The following DCUN1D3 variants were observed in gnomAD, a reference collection of about 807,000 sequenced individuals.
The protein encoded by DCUN1D3 is defective in cullin neddylation 1 domain containing 3.
Under a neutral mutation model 24.8 loss-of-function variants are expected in DCUN1D3, and 6 were observed. That is an observed-to-expected ratio of 0.24 (90% CI 0.13 to 0.48). The LOEUF (loss-of-function observed/expected upper bound fraction) is 0.48, where lower values mean the gene tolerates loss of function less well. Among genes scored for constraint, DCUN1D3 ranks in the 20% least tolerant of loss-of-function variants. The pLI, the probability that DCUN1D3 is intolerant of heterozygous loss-of-function variation, is 0.99. For synonymous variants in DCUN1D3, 120 were observed against 144.9 expected (o/e 0.83, Z 1.24); for missense variants, 258 against 379.4 (o/e 0.68, Z 2.66).
intron 1 of DCUN1D3, among the ~76,000 whole-genome samples, chr16:20,890,007 A>T (rs962200331): frequency 2.0e-5 from 3 of 152,212 alleles, no homozygotes; most frequent in Non-Finnish European, 4.4e-5. Context: ...GAGAGCTTCC[A>T]GGTTGGTAAA....
chr16:20,895,526 C>G (rs571994666), intron 1 of DCUN1D3, among the ~76,000 whole-genome samples: 1 of 152,284 alleles, frequency 6.6e-6, no homozygotes, highest in East Asian at 1.9e-4. Context: ...TATACTACCA[C>G]TTTATGTAAG....
chr16:20,867,801 C>T (rs1431973879), intron 1 of DCUN1D3, among the ~76,000 whole-genome samples: 2 of 152,178 alleles, frequency 1.3e-5, no homozygotes, highest in Admixed American at 1.3e-4. Flanking sequence ...GCCAGGACTT[C>T]CTATCCCTGC....
Position 20,860,668 on chromosome 16 carries a change from T to G in DCUN1D3, c.432-299A>C, listed in dbSNP as rs1440376579. 6.6e-6 allele frequency among the ~76,000 whole-genome samples: 1 copy of G among 152,180 alleles called. No individual in the cohort carries two copies. The highest frequency in any genetic ancestry group is 1.5e-5 in the Non-Finnish European group (1 of 68,018). On this transcript the variant is annotated intron_variant, in intron 2 of 2. Transcript: ENST00000324344. The surrounding 1 kb of genome is among the most constrained non-coding windows in gnomAD (Gnocchi z 4.3). Reference sequence around the variant, plus strand: ...TCATCTTCCCAAAGCTAAACTCAAGTCTCCTGCTCCCTGCCCTGTTTCCCG... The same window carrying G: ...TCATCTTCCCAAAGCTAAACTCAAGGCTCCTGCTCCCTGCCCTGTTTCCCG...
intron 1 of DCUN1D3, among the ~76,000 whole-genome samples, chr16:20,883,644 G>A (rs1377172547): frequency 6.6e-6 from 1 of 152,190 alleles, no homozygotes; most frequent in Non-Finnish European, 1.5e-5. Flanking sequence ...TTGAAGTACT[G>A]TATGAAAATA....
At chr16:20,886,077 A>AT (rs966065553) in intron 1 of DCUN1D3, among the ~76,000 whole-genome samples, 5 of 151,930 alleles carry the variant, frequency 3.3e-5, no homozygotes, top group African/African-American at 1.2e-4. Flanking sequence ...AAAAAAAAAA[A>AT]AGGCCACCAA....
intron 1 of DCUN1D3, among the ~76,000 whole-genome samples, chr16:20,884,903 A>T: frequency 6.6e-6 from 1 of 152,176 alleles, no homozygotes; most frequent in East Asian, 1.9e-4. Flanking sequence ...CAACAGAGTA[A>T]GACCCCATCT....
At position 20,854,926 on chromosome 16, in the gene DCUN1D3, T is replaced by G. The variant is rs1030851663; in HGVS notation, c.*4960A>C. On this transcript the variant is annotated 3_prime_UTR_variant, in exon 3 of 3. Coordinates refer to ENST00000324344, the MANE Select transcript of DCUN1D3 (RefSeq NM_173475.4). ...TTTTTTTTTGTAGAAATATCAATATTCAAGTAAACAAATTTATTAAATCCA... is the reference window on the plus strand; with the variant it reads ...TTTTTTTTTGTAGAAATATCAATATGCAAGTAAACAAATTTATTAAATCCA... 4.6e-5 allele frequency: 7 copies of G among 152,318 alleles called. No homozygotes were observed. Among genetic ancestry groups the G allele is most frequent in the East Asian group, 3.9e-4 (2 of 5,192 alleles). 9.4% of individuals were successfully genotyped at this position (152,318 alleles called of 1,614,324 possible).
chr16:20,876,753 T>C (rs2081817715), intron 1 of DCUN1D3, among the ~76,000 whole-genome samples: 1 of 152,146 alleles, frequency 6.6e-6, no homozygotes, highest in Admixed American at 6.5e-5. Flanking sequence ...ATATACACAA[T>C]GGAATATTAT....
rs772180031 is a variant in DCUN1D3, at chr16:20,862,273, T to G, written c.266A>C (p.Gln89Pro). 62 of 1,614,088 alleles carry G rather than the reference T, an allele frequency of 3.8e-5. No individual in the cohort carries two copies. Among genetic ancestry groups the G allele is most frequent in the Non-Finnish European group, 5.1e-5 (60 of 1,180,050 alleles). Reference protein sequence around the residue: ...SKSNAEESSLQRLEELFRRYK... With the variant: ...SKSNAEESSLPRLEELFRRYK... ...GCGCCTGAACAGTTCTTCCAATCTTTGCAAGGAAGACTCCTCGGCATTGGA... is the reference window on the plus strand; with the variant it reads ...GCGCCTGAACAGTTCTTCCAATCTTGGCAAGGAAGACTCCTCGGCATTGGA... Residue 89 changes from glutamine (Q) to proline (P), a missense_variant, in exon 2 of 3, where the codon CAA becomes CCA. Gln to Pro is a moderately conservative substitution (Grantham distance 76, BLOSUM62 -1). Transcript: ENST00000324344.
chr16:20,889,921 G>C (rs946008403), intron 1 of DCUN1D3, among the ~76,000 whole-genome samples: 4 of 152,142 alleles, frequency 2.6e-5, no homozygotes, highest in African/African-American at 9.7e-5. Context: ...GCTAGAGACA[G>C]AGTTCAATCA....
intron 1 of DCUN1D3, among the ~76,000 whole-genome samples, chr16:20,894,612 T>C (rs1414162340): frequency 2.6e-5 from 4 of 152,200 alleles, no homozygotes; most frequent in African/African-American, 9.7e-5. Flanking sequence ...CCTAACAATA[T>C]AGTACAGCTC....
Position 20,859,667 on chromosome 16 carries a change from T to C in DCUN1D3, c.*219A>G. 1 of 519,582 alleles carries C rather than the reference T, an allele frequency of 1.9e-6. No homozygotes were observed. Among genetic ancestry groups the C allele is most frequent in the African/African-American group, 1.9e-5 (1 of 52,140 alleles). 32.2% of individuals were successfully genotyped at this position (519,582 alleles called of 1,614,324 possible). A position where few individuals can be genotyped will look rare whatever the true frequency, so the allele number is the denominator to read the frequency against. On this transcript the variant is annotated 3_prime_UTR_variant, in exon 3 of 3. Coordinates refer to ENST00000324344, the MANE Select transcript of DCUN1D3 (RefSeq NM_173475.4). ...AACATGTAACCAGGTTCAAATATTC[T>C]GGGAGATCCCCCCAAAAAGGAAATA...
chr16:20,891,339 C>A (rs563667907), intron 1 of DCUN1D3, among the ~76,000 whole-genome samples: 2 of 152,104 alleles, frequency 1.3e-5, no homozygotes, highest in African/African-American at 4.8e-5. Flanking sequence ...ACAAGAGAAT[C>A]ATTAATTACC....
intron 1 of DCUN1D3, among the ~76,000 whole-genome samples, chr16:20,870,983 G>A (rs1394654676): frequency 6.6e-6 from 1 of 152,212 alleles, no homozygotes; most frequent in Admixed American, 6.5e-5. Flanking sequence ...CCACCTGGGA[G>A]CAAGACTCTG....
intron 1 of DCUN1D3, among the ~76,000 whole-genome samples, chr16:20,896,749 A>C (rs2152519503): frequency 6.6e-6 from 1 of 152,362 alleles, no homozygotes; most frequent in African/African-American, 2.4e-5. Flanking sequence ...CCTGGGCCAA[A>C]GCCAAATAAT....
At chr16:20,898,213 T>C (rs912579842) in intron 1 of DCUN1D3, among the ~76,000 whole-genome samples, 3 of 152,254 alleles carry the variant, frequency 2.0e-5, no homozygotes, top group Non-Finnish European at 4.4e-5. Context: ...GCTCCTTCTT[T>C]ATACTTAAAG....
At chr16:20,881,948 G>A (rs532677261) in intron 1 of DCUN1D3, among the ~76,000 whole-genome samples, 20 of 151,576 alleles carry the variant, frequency 1.3e-4, no homozygotes, top group African/African-American at 3.9e-4. Context: ...GATTACAGGC[G>A]CATGGTACCA....
chr16:20,861,973 A>C, intron 2 of DCUN1D3, 135 bp downstream of exon 2: 16 of 852,566 alleles, frequency 1.9e-5, no homozygotes, highest in Non-Finnish European at 2.5e-5. Context: ...GCTTTAGAGA[A>C]CCTGATCAGA....
chr16:20,887,642 G>A (rs1211809238), intron 1 of DCUN1D3, among the ~76,000 whole-genome samples: 2 of 152,200 alleles, frequency 1.3e-5, no homozygotes, highest in Non-Finnish European at 2.9e-5. Flanking sequence ...GGAAGAATTA[G>A]AGACCTGGCC....
Sources: gnomAD v4.1 joint callset for allele counts (sites outside exome capture counted in the v4.1 genomes callset) on GRCh38, gnomAD v4.1.1 for gene constraint, Gnocchi (gnomAD v3.1) non-coding constraint, MANE v1.5 for transcripts, NCBI Gene and HGNC (gene_info 2026-07-23, HGNC 2026-07-21) for gene names.